Variants in ZNF527 observed in about 807,000 individuals in gnomAD.
ZNF527 encodes zinc finger protein 527.
In ZNF527, 5 loss-of-function variants were observed where a neutral mutation model predicts 13.5. The ratio of observed to expected loss-of-function variants is 0.37; its 90% CI spans 0.19 to 0.78. The LOEUF is 0.78. Ranked by LOEUF, ZNF527 falls within the 30% of genes least tolerant of loss-of-function variation. The pLI is 0.48. For missense variants in ZNF527, 628 were observed against 726.4 expected (o/e 0.86, Z 1.56); for synonymous variants, 209 against 243.1 (o/e 0.86, Z 1.30).
At chr19:37,375,311 T>TTTCTTTCCTTTCTTTCTTTCTTTCTTTC in intron 2 of ZNF527, among the ~76,000 whole-genome samples, 1 of 79,838 alleles carries the variant, frequency 1.3e-5, no homozygotes, top group East Asian at 3.7e-4. Context: ...TCTTTCTTTC[T>TTTCTTTCCTTTCTTTCTTTCTTTCTTTC]TTTCTTTCTT....
intron 2 of ZNF527, among the ~76,000 whole-genome samples, chr19:37,377,671 A>G (rs1033817879): frequency 8.5e-5 from 13 of 152,174 alleles, no homozygotes; most frequent in African/African-American, 3.1e-4. Flanking sequence ...CTCTCTTACT[A>G]ACCCTAGATC....
rs545165084 is a variant in ZNF527 at position 37,381,845 on chromosome 19, A to T, written c.256+1473A>T. Among the ~76,000 whole-genome samples, 10 of 152,198 alleles carry T rather than the reference A, an allele frequency of 6.6e-5. No individual in the cohort carries two copies. The East Asian group carries it at 1.7e-3, about 26-fold the overall frequency. ...GCTGCTCTTTCTCCTCCATTTACTTATATATTCAATTATATTTATGGATTT... is the reference window on the plus strand; with the variant it reads ...GCTGCTCTTTCTCCTCCATTTACTTTTATATTCAATTATATTTATGGATTT... On this transcript the variant is annotated intron_variant, in intron 4 of 4. Coordinates refer to ENST00000436120, the MANE Select transcript of ZNF527 (RefSeq NM_032453.2).
In ZNF527 at chr19:37,380,386, C is replaced by G; in HGVS notation, c.256+14C>G. 6.2e-7 allele frequency: 1 copy of G among 1,608,472 alleles called. No homozygotes were observed. Among genetic ancestry groups the G allele is most frequent in the African/African-American group, 1.3e-5 (1 of 74,894 alleles). On this transcript the variant is annotated intron_variant, in intron 4 of 4. Transcript: ENST00000436120. ...GTCACTGTGCAGGTGAGTGACAGAT[C>G]ACCAGGCAGGGAGGACTATTGTAAG...
Position 37,388,355 on chromosome 19 carries a change from T to C in ZNF527, c.306T>C (p.Ile102=). 1 of 1,614,068 alleles carries C rather than the reference T, an allele frequency of 6.2e-7. No homozygotes were observed. Residue 102 remains isoleucine, a synonymous_variant, in exon 5 of 5, where the codon ATT becomes ATC. Coordinates refer to ENST00000436120, the MANE Select transcript of ZNF527 (RefSeq NM_032453.2). The part of the protein sequence containing the change: ...EIEELSPKWF[I]DEDEISQEMV... ...AGGAATTATCTCCAAAATGGTTCAT[T>C]GATGAAGATGAAATATCCCAGGAGA...
At chr19:37,379,940 A>G (rs2040639487) in intron 3 of ZNF527, 1 of 184,614 alleles carries the variant, frequency 5.4e-6, no homozygotes, top group Non-Finnish European at 1.1e-5. Flanking sequence ...GTTTTAATAA[A>G]CTCTCCAAAT....
At chr19:37,381,419 A>C (rs180671623) in intron 4 of ZNF527, among the ~76,000 whole-genome samples, 4 of 152,174 alleles carry the variant, frequency 2.6e-5, no homozygotes, top group Non-Finnish European at 5.9e-5. Context: ...ATTTGGATCT[A>C]TCTGATTTAT....
At chr19:37,387,924 G>A (rs1387436826) in intron 4 of ZNF527, among the ~76,000 whole-genome samples, 6 of 152,166 alleles carry the variant, frequency 3.9e-5, no homozygotes, top group African/African-American at 7.2e-5. Flanking sequence ...GGAGCTTTCA[G>A]TCTTATGAAT....
At position 37,388,348 on chromosome 19, in the gene ZNF527, G is replaced by A; in HGVS notation, c.299G>A (p.Trp100Ter). 6.2e-7 allele frequency: 1 copy of A among 1,613,954 alleles called. No homozygotes were observed. Among genetic ancestry groups the A allele is most frequent in the Non-Finnish European group, 8.5e-7 (1 of 1,179,932 alleles). The part of the protein sequence containing the change: ...WCEIEELSPK[W>*]FIDEDEISQE... ...GAAATTGAGGAATTATCTCCAAAAT[G>A]GTTCATTGATGAAGATGAAATATCC... The change falls in exon 5 of 5, where the codon TGG (tryptophan) becomes TAG (stop). Residue 100 changes from tryptophan to a stop codon, truncating the protein, a stop_gained. Transcript: ENST00000436120. LOFTEE classifies it low-confidence loss of function (END_TRUNC).
In ZNF527 at chr19:37,389,006, A is replaced by C. The variant is rs1450171211; in HGVS notation, c.957A>C (p.Glu319Asp). 6.2e-7 allele frequency: 1 copy of C among 1,614,176 alleles called. No homozygotes were observed. The highest frequency in any genetic ancestry group is 8.5e-7 in the Non-Finnish European group (1 of 1,180,014). ...KAFSHDFFLSEHQRTHIGEKP... is the reference protein window; with the variant it reads ...KAFSHDFFLSDHQRTHIGEKP... ...TTAGCCACGACTTCTTTCTCAGTGA[A>C]CATCAAAGAACTCATATTGGGGAGA... is the stretch of plus-strand genomic sequence containing the variant. The change falls in exon 5 of 5, where the codon GAA becomes GAC. Residue 319 changes from glutamate (E) to aspartate (D), a missense_variant. Glu to Asp is a conservative substitution (Grantham distance 45, BLOSUM62 2). Around this residue, in one of 3 missense-constraint regions of ZNF527, gnomAD observed 592 missense variants for 678.0 expected, o/e 0.87. Coordinates refer to ENST00000436120, the MANE Select transcript of ZNF527 (RefSeq NM_032453.2).
rs1555826795 is a variant in ZNF527, at chr19:37,374,164, G to A, written c.-35G>A. On this transcript the variant is annotated 5_prime_UTR_variant, in exon 2 of 5. Transcript: ENST00000436120. ...ATTAACTCTCCCTTCTCAGGACTTT[G>A]TTCTTCTTCAGAAGAGAAAACTGAA... is the stretch of plus-strand genomic sequence containing the variant. The A allele has an allele frequency of 6.2e-7, 1 of 1,609,890 alleles. No individual in the cohort carries two copies. Among genetic ancestry groups the A allele is most frequent in the Admixed American group, 1.7e-5 (1 of 59,966 alleles).
At position 37,374,305 on chromosome 19, in the gene ZNF527, C is replaced by T. The variant is rs375506903; in HGVS notation, c.33+74C>T. ...AGGACTTTGGGACCACAGGGAAAAT[C>T]ACAAATAGCCCAATGAGCACCCCTT... On this transcript the variant is annotated intron_variant, in intron 2 of 4. Coordinates refer to ENST00000436120, the MANE Select transcript of ZNF527 (RefSeq NM_032453.2). 3.0e-5 allele frequency: 43 copies of T among 1,426,024 alleles called. No homozygotes were observed. The East Asian group carries it at 5.9e-4, about 20-fold the overall frequency. 88.3% of individuals were successfully genotyped at this position (1,426,024 alleles called of 1,614,324 possible). A position where few individuals can be genotyped will look rare whatever the true frequency, so the allele number is the denominator to read the frequency against.
At chr19:37,371,768 T>C (rs989075265) in intron 1 of ZNF527, among the ~76,000 whole-genome samples, 1 of 152,166 alleles carries the variant, frequency 6.6e-6, no homozygotes, top group African/African-American at 2.4e-5. Flanking sequence ...GTTGGTGTAG[T>C]TGTATGTTAC....
In ZNF527 at chr19:37,392,162, C is replaced by T. The variant is rs914236483; in HGVS notation, c.*2283C>T. 6.6e-6 allele frequency: 1 copy of T among 152,220 alleles called. No individual in the cohort carries two copies. Among genetic ancestry groups the T allele is most frequent in the Non-Finnish European group, 1.5e-5 (1 of 68,012 alleles). The allele number at this position is 152,220 out of a possible 1,614,324, so 9.4% of individuals were successfully genotyped here. On this transcript the variant is annotated 3_prime_UTR_variant, in exon 5 of 5. Transcript: ENST00000436120. ...AAATATTTCCAAACTTATGTTACATCTAATCTGAAACATATTAATATTATA... is the reference window on the plus strand; with the variant it reads ...AAATATTTCCAAACTTATGTTACATTTAATCTGAAACATATTAATATTATA...
At chr19:37,384,862 A>G in intron 4 of ZNF527, 1 of 673,106 alleles carries the variant, frequency 1.5e-6, no homozygotes, top group East Asian at 2.7e-5. Context: ...TTGTTTTTTG[A>G]GACAGGTTCT....
chr19:37,378,594 C>T (rs1466666360), intron 2 of ZNF527, among the ~76,000 whole-genome samples: 2 of 152,156 alleles, frequency 1.3e-5, no homozygotes, highest in African/African-American at 2.4e-5. Context: ...TATTTTTGAA[C>T]ATGTAAGTTT....
rs201116345 is a variant in ZNF527 at position 37,379,095 on chromosome 19, G to A, written c.34-25G>A. ...GACCATATAGGTGTCTGGGCACCTGGTGAACAAGAATTTTTTTATTTCAGG... is the reference window on the plus strand; with the variant it reads ...GACCATATAGGTGTCTGGGCACCTGATGAACAAGAATTTTTTTATTTCAGG... On this transcript the variant is annotated intron_variant, in intron 2 of 4. Coordinates refer to ENST00000436120, the MANE Select transcript of ZNF527 (RefSeq NM_032453.2). 724 of 1,613,916 alleles carry A rather than the reference G, an allele frequency of 4.5e-4. 5 individuals are homozygous for A. In the African/African-American group the frequency reaches 8.9e-3, roughly 20 times the overall value.
At chr19:37,381,902 TA>T (rs2040656841) in intron 4 of ZNF527, among the ~76,000 whole-genome samples, 1 of 152,206 alleles carries the variant, frequency 6.6e-6, no homozygotes, top group African/African-American at 2.4e-5. Context: ...ATTTACCTCA[TA>T]AAATTTAATG....
chr19:37,378,967 TTAAAG>T (rs1214898498), intron 2 of ZNF527, among the ~76,000 whole-genome samples, 148 bp from the exon 3 acceptor site: 1 of 152,246 alleles, frequency 6.6e-6, no homozygotes, highest in East Asian at 1.9e-4. Context: ...TTCTCTTCTC[TTAAAG>T]TATTTGACAA....
chr19:37,378,281 G>C (rs2040624178), intron 2 of ZNF527, among the ~76,000 whole-genome samples: 1 of 151,986 alleles, frequency 6.6e-6, no homozygotes, highest in Non-Finnish European at 1.5e-5. Context: ...GCCTGCCTTG[G>C]CTTCCCAAAG....
Sources: allele counts gnomAD v4.1 joint callset (sites outside exome capture counted in the v4.1 genomes callset), GRCh38; gene constraint gnomAD v4.1.1; regional missense constraint gnomAD v4.1.1; transcripts MANE v1.5; gene names NCBI Gene and HGNC (gene_info 2026-07-23, HGNC 2026-07-21).